The following SLIT3 variants were observed in gnomAD, a reference collection of about 807,000 sequenced individuals.
SLIT3 encodes slit homolog 3 protein.
Under a neutral mutation model 184.0 loss-of-function variants are expected in SLIT3, and 68 were observed. The ratio of observed to expected loss-of-function variants is 0.37; its 90% CI spans 0.30 to 0.45. The LOEUF (loss-of-function observed/expected upper bound fraction) is 0.45. Among genes scored for constraint, SLIT3 ranks in the 20% least tolerant of loss-of-function variants. The probability of loss-of-function intolerance (pLI) is 1.00; values close to 1 mark genes in which losing one functional copy is unlikely to be tolerated. For synonymous variants in SLIT3, 831 were observed against 828.6 expected (o/e 1.00, Z -0.05); for missense variants, 1,707 against 2,026.0 (o/e 0.84, Z 3.02).
chr5:169,295,668 C>T (rs923723394), intron 1 of SLIT3, among the ~76,000 whole-genome samples: 4 of 152,254 alleles, frequency 2.6e-5, no homozygotes, highest in Admixed American at 6.5e-5. Context: ...CCATAGCCCA[C>T]ATTGCCAAGG....
chr5:169,234,317 A>T (rs1423921858), intron 3 of SLIT3, among the ~76,000 whole-genome samples: 1 of 152,208 alleles, frequency 6.6e-6, no homozygotes, highest in Non-Finnish European at 1.5e-5. Flanking sequence ...AGACGCAGTC[A>T]CATTTCCGCA....
chr5:169,045,026 C>T lies in SLIT3; in HGVS notation c.413+148453G>A, dbSNP rs1057178800. 5.9e-5 allele frequency among the ~76,000 whole-genome samples: 9 copies of T among 152,136 alleles called. No homozygotes were observed. The East Asian group carries it at 7.7e-4, about 13-fold the overall frequency. On this transcript the variant is annotated intron_variant, in intron 4 of 35. Coordinates refer to ENST00000519560, the MANE Select transcript of SLIT3 (RefSeq NM_003062.4). The stretch of plus-strand genomic sequence containing the variant: ...CTCCTCCATGGTTCACAGGTTTCTG[C>T]GAGATGAAGCAGCACCAGAGATGCG...
chr5:168,871,677 G>A lies in SLIT3; in HGVS notation c.485+11588C>T, dbSNP rs1005435323. On this transcript the variant is annotated intron_variant, in intron 5 of 35. Transcript: ENST00000519560. ...TTGGGGGCACATATTTGTCTAGGAA[G>A]GGAAGATTTAGTCTCTAAGATGTGA... Among the ~76,000 whole-genome samples the A allele has an allele frequency of 5.3e-5, 8 of 152,076 alleles. No individual in the cohort carries two copies. The South Asian group carries it at 1.5e-3, about 28-fold the overall frequency.
chr5:169,177,079 C>G (rs1053095640), intron 4 of SLIT3, among the ~76,000 whole-genome samples: 3 of 152,180 alleles, frequency 2.0e-5, no homozygotes, highest in African/African-American at 7.2e-5. Context: ...GGCCCTTTCC[C>G]CTGAGTAATA....
chr5:168,924,144 C>T (rs529287730), intron 4 of SLIT3, among the ~76,000 whole-genome samples: 1 of 152,378 alleles, frequency 6.6e-6, no homozygotes, highest in Non-Finnish European at 1.5e-5. Context: ...TCTCTTCACA[C>T]CTCTGACCCT....
At chr5:169,268,138 ACT>A (rs1554113345) in intron 1 of SLIT3, among the ~76,000 whole-genome samples, 3 of 152,164 alleles carry the variant, frequency 2.0e-5, no homozygotes, top group Non-Finnish European at 4.4e-5. Flanking sequence ...TGCCCTAATA[ACT>A]CTTTAATTTG....
intron 1 of SLIT3, among the ~76,000 whole-genome samples, chr5:169,295,274 T>A (rs1218919810): frequency 1.3e-5 from 2 of 152,148 alleles, no homozygotes; most frequent in Non-Finnish European, 2.9e-5. Context: ...CTGTACTGTG[T>A]TAAGCACTTT....
chr5:168,992,368 A>C (rs1448570665), intron 4 of SLIT3, among the ~76,000 whole-genome samples: 1 of 152,230 alleles, frequency 6.6e-6, no homozygotes, highest in Non-Finnish European at 1.5e-5. Flanking sequence ...CTGAAGGAGG[A>C]GAAAGAATTA....
At chr5:169,141,206 A>ACC (rs1262627811) in intron 4 of SLIT3, among the ~76,000 whole-genome samples, 3 of 152,088 alleles carry the variant, frequency 2.0e-5, no homozygotes, top group African/African-American at 4.8e-5. Context: ...CCCCGACATG[A>ACC]CCCCCAAATC....
intron 6 of SLIT3, among the ~76,000 whole-genome samples, chr5:168,828,672 A>G (rs1245365697): frequency 6.7e-6 from 1 of 149,584 alleles, no homozygotes; most frequent in Non-Finnish European, 1.5e-5. Flanking sequence ...AAAAAAAAAG[A>G]AAAAAGAAAA....
chr5:169,150,965 T>C (rs1489152850), intron 4 of SLIT3, among the ~76,000 whole-genome samples: 2 of 152,142 alleles, frequency 1.3e-5, no homozygotes, highest in African/African-American at 4.8e-5. Context: ...TCAAACCTTT[T>C]CTGACCCTAA....
intron 4 of SLIT3, among the ~76,000 whole-genome samples, chr5:168,937,892 T>TC (rs1216198410): frequency 4.7e-5 from 7 of 149,458 alleles, no homozygotes; most frequent in Admixed American, 4.0e-4. Context: ...TTTTTTTTTT[T>TC]CCCAAAGCAA....
At chr5:169,292,149 C>G (rs930049876) in intron 1 of SLIT3, among the ~76,000 whole-genome samples, 1 of 152,196 alleles carries the variant, frequency 6.6e-6, no homozygotes, top group Non-Finnish European at 1.5e-5. Flanking sequence ...AATGTGTACC[C>G]AAGATGCTAA....
chr5:169,053,414 G>A (rs999356663), intron 4 of SLIT3, among the ~76,000 whole-genome samples: 7 of 151,960 alleles, frequency 4.6e-5, no homozygotes, highest in African/African-American at 1.4e-4. Context: ...GCCTTTTTTT[G>A]TTTTGCCATT....
intron 11 of SLIT3, among the ~76,000 whole-genome samples, chr5:168,786,625 C>T (rs1212386527): frequency 2.6e-5 from 4 of 152,150 alleles, no homozygotes; most frequent in Non-Finnish European, 4.4e-5. Flanking sequence ...CCCTTTTACC[C>T]CTTTCTCTTA....
At chr5:168,784,458 T>A (rs1756081163) in intron 12 of SLIT3, among the ~76,000 whole-genome samples, 1 of 152,172 alleles carries the variant, frequency 6.6e-6, no homozygotes, top group South Asian at 2.1e-4. Flanking sequence ...CTTTTCTCTC[T>A]CTTGCTTTCA....
At chr5:168,851,322 C>CAAAAAAAAA (rs531233116) in intron 5 of SLIT3, among the ~76,000 whole-genome samples, 2 of 77,180 alleles carry the variant, frequency 2.6e-5, no homozygotes, top group Non-Finnish European at 2.6e-5. Context: ...GACTCCGTCT[C>CAAAAAAAAA]AAAAAAAAAA....
intron 6 of SLIT3, among the ~76,000 whole-genome samples, chr5:168,838,510 C>T (rs528419196): frequency 1.2e-4 from 18 of 152,124 alleles, no homozygotes; most frequent in Admixed American, 3.3e-4. Context: ...ATTATCGTTA[C>T]GTCATTATTA....
intron 4 of SLIT3, among the ~76,000 whole-genome samples, chr5:169,061,013 C>G (rs569007019): frequency 6.6e-6 from 1 of 152,308 alleles, no homozygotes; most frequent in Admixed American, 6.5e-5. Flanking sequence ...GCAACTTTGT[C>G]ACCTCCCTGC....
Sources: allele counts gnomAD v4.1 joint callset (sites outside exome capture counted in the v4.1 genomes callset), GRCh38; gene constraint gnomAD v4.1.1; transcripts MANE v1.5; gene names NCBI Gene and HGNC (gene_info 2026-07-23, HGNC 2026-07-21).